The following RAB3GAP1 variants were observed in gnomAD, a reference collection of about 807,000 sequenced individuals.
RAB3GAP1 encodes rab3 GTPase-activating protein catalytic subunit.
RAB3GAP1 carries 86 observed loss-of-function variants against 130.7 expected under a neutral mutation model. The observed-to-expected ratio is 0.66, with a 90% confidence interval of 0.55 to 0.79. RAB3GAP1 has a LOEUF of 0.79. RAB3GAP1 is among the 30% of genes least tolerant of loss of function. The probability of loss-of-function intolerance (pLI) is 0.00; values close to 1 mark genes in which losing one functional copy is unlikely to be tolerated. For missense variants in RAB3GAP1, 1,029 were observed against 1,169.4 expected (o/e 0.88, Z 1.75); for synonymous variants, 367 against 401.7 (o/e 0.91, Z 1.03).
At chr2:135,056,695 A>G (rs1689022108) in intron 2 of RAB3GAP1, among the ~76,000 whole-genome samples, 2 of 152,146 alleles carry the variant, frequency 1.3e-5, no homozygotes, top group African/African-American at 4.8e-5. Context: ...CTCTTTGGTA[A>G]ACATGTAAAC....
intron 7 of RAB3GAP1, among the ~76,000 whole-genome samples, chr2:135,117,913 C>T (rs543057295): frequency 1.3e-4 from 19 of 151,750 alleles, no homozygotes; most frequent in African/African-American, 4.6e-4. Flanking sequence ...CAGTGTAGGG[C>T]GTGATTACAG....
intron 3 of RAB3GAP1, among the ~76,000 whole-genome samples, chr2:135,072,619 A>G (rs965691893): frequency 2.6e-5 from 4 of 152,208 alleles, no homozygotes; most frequent in Non-Finnish European, 5.9e-5. Flanking sequence ...TGACTTACGT[A>G]GACCATCTAT....
chr2:135,055,678 CAAAAA>C (rs1209770688), intron 2 of RAB3GAP1, among the ~76,000 whole-genome samples: 1 of 65,766 alleles, frequency 1.5e-5, no homozygotes, highest in Non-Finnish European at 3.4e-5. Flanking sequence ...GACCCTGTCT[CAAAAA>C]AAAAAAAAAA....
intron 16 of RAB3GAP1, 97 bp from the exon 17 acceptor site, chr2:135,135,467 G>A: frequency 2.7e-6 from 4 of 1,461,188 alleles, no homozygotes; most frequent in Non-Finnish European, 3.7e-6. Context: ...ACAAGGTCCT[G>A]AGAAGTGGAG....
chr2:135,108,007 A>T (rs1690683278), intron 5 of RAB3GAP1, among the ~76,000 whole-genome samples: 1 of 150,002 alleles, frequency 6.7e-6, no homozygotes, highest in Admixed American at 6.7e-5. Flanking sequence ...AAAAAACTAC[A>T]CAAAATAAGT....
At chr2:135,127,036 T>A (rs1427870844) in intron 11 of RAB3GAP1, among the ~76,000 whole-genome samples, 1 of 151,458 alleles carries the variant, frequency 6.6e-6, no homozygotes, top group Non-Finnish European at 1.5e-5. Context: ...CCACCATGCC[T>A]GGCTAATTTT....
At chr2:135,136,017 G>A (rs1691671586) in intron 17 of RAB3GAP1, 85 bp downstream of exon 17, 1 of 1,546,170 alleles carries the variant, frequency 6.5e-7, no homozygotes, top group Non-Finnish European at 8.9e-7. Context: ...TTTGAGTAAG[G>A]AAAATTATCC....
At chr2:135,075,815 CAG>C (rs1015889534) in intron 3 of RAB3GAP1, among the ~76,000 whole-genome samples, 3 of 151,616 alleles carry the variant, frequency 2.0e-5, no homozygotes, top group African/African-American at 7.3e-5. Context: ...TGTGTGGTCA[CAG>C]AGTGTCAGTC....
chr2:135,127,617 C>T (rs1691395716), intron 11 of RAB3GAP1, among the ~76,000 whole-genome samples: 1 of 152,146 alleles, frequency 6.6e-6, no homozygotes, highest in South Asian at 2.1e-4. Flanking sequence ...GCTGGGATTA[C>T]AGACGTGAGC....
intron 3 of RAB3GAP1, among the ~76,000 whole-genome samples, chr2:135,062,569 G>A (rs764994022): frequency 6.6e-6 from 1 of 152,208 alleles, no homozygotes; most frequent in African/African-American, 2.4e-5. Context: ...ATAAAAAGGA[G>A]TATGATTATG....
intron 3 of RAB3GAP1, among the ~76,000 whole-genome samples, chr2:135,072,753 C>G (rs1266689081): frequency 6.6e-6 from 1 of 152,062 alleles, no homozygotes; most frequent in Non-Finnish European, 1.5e-5. Flanking sequence ...TTTTTATAAC[C>G]TTCCTTACCA....
At chr2:135,176,137 C>G (rs1165601668) in intron 24 of RAB3GAP1, 1 of 152,056 alleles carries the variant, frequency 6.6e-6, no homozygotes, top group Non-Finnish European at 1.5e-5. Flanking sequence ...CATGAACAAC[C>G]AAGCAATTCT....
chr2:135,109,587 TA>T (rs1392451164), intron 5 of RAB3GAP1, among the ~76,000 whole-genome samples: 16 of 151,680 alleles, frequency 1.1e-4, no homozygotes, highest in Non-Finnish European at 1.8e-4. Context: ...TTTTTTTTTT[TA>T]ATTTTTTATT....
chr2:135,133,801 G>A, intron 14 of RAB3GAP1, 60 bp from the exon 15 acceptor site: 1 of 1,470,814 alleles, frequency 6.8e-7, no homozygotes. Flanking sequence ...GACCTTTTCA[G>A]TTATATGTGT....
rs780543920 is a variant in RAB3GAP1 at position 135,120,850 on chromosome 2, G to C, written c.680G>C (p.Ser227Thr). ...CCTTTAACTCCATTGCCTCCAGTTA[G>C]TATTGCTATTCGATTTACCTATGTA... ...GCPLTPLPPV[S>T]IAIRFTYVLQ... is the part of the protein sequence containing the mutation. The change falls in exon 8 of 24, where the codon AGT becomes ACT. Residue 227 changes from serine to threonine, a missense_variant. Ser to Thr is a moderately conservative substitution (Grantham distance 58, BLOSUM62 1). This residue lies in a region of RAB3GAP1 where 510 missense variants were observed against 532.1 expected (regional missense o/e 0.96). Coordinates refer to ENST00000264158, the MANE Select transcript of RAB3GAP1 (RefSeq NM_012233.3). 1 of 1,612,994 alleles carries C rather than the reference G, an allele frequency of 6.2e-7. No homozygotes were observed. The highest frequency in any genetic ancestry group is 1.3e-5 in the African/African-American group (1 of 74,892).
chr2:135,058,489 A>AT (rs1465197191), intron 3 of RAB3GAP1: 1 of 162,174 alleles, frequency 6.2e-6, no homozygotes, highest in Non-Finnish European at 1.3e-5. Flanking sequence ...AATGAGGAAA[A>AT]TTCTAGTACT....
chr2:135,075,161 A>C (rs1388834136), intron 3 of RAB3GAP1, among the ~76,000 whole-genome samples: 1 of 152,218 alleles, frequency 6.6e-6, no homozygotes, highest in Non-Finnish European at 1.5e-5. Flanking sequence ...GTATCTGTCT[A>C]AGGGCCTAGA....
At chr2:135,122,949 G>A (rs970157903) in intron 8 of RAB3GAP1, among the ~76,000 whole-genome samples, 1 of 151,980 alleles carries the variant, frequency 6.6e-6, no homozygotes, top group South Asian at 2.1e-4. Flanking sequence ...GGCTGGTCTC[G>A]AACTCCTGAC....
Position 135,143,929 on chromosome 2 carries a change from CCT to C in RAB3GAP1, c.1924-6437_1924-6436del, listed in dbSNP as rs748570015. Among the ~76,000 whole-genome samples the C allele has an allele frequency of 1.4e-4, 22 of 152,234 alleles. 1 individual carries two copies. Among genetic ancestry groups the C allele is most frequent in the South Asian group, 1.0e-3 (5 of 4,838 alleles). On this transcript the variant is annotated intron_variant, in intron 17 of 23. Coordinates refer to ENST00000264158, the MANE Select transcript of RAB3GAP1 (RefSeq NM_012233.3). ...CCTGAATATGTTCTCTTAACTCTTG[CCT>C]CTTCACTGTTTGTTCATACATTTTA...
Sources: gnomAD v4.1 joint callset for allele counts (sites outside exome capture counted in the v4.1 genomes callset) on GRCh38, gnomAD v4.1.1 for gene constraint, gnomAD v4.1.1 regional missense constraint, MANE v1.5 for transcripts, NCBI Gene and HGNC (gene_info 2026-07-23, HGNC 2026-07-21) for gene names.